The following ST6GALNAC3 variants were observed in gnomAD, a reference collection of about 807,000 sequenced individuals.
The protein encoded by ST6GALNAC3 is ST6 N-acetylgalactosaminide alpha-2,6-sialyltransferase 3.
ST6GALNAC3 carries 25 observed loss-of-function variants against 32.7 expected under a neutral mutation model. That is an observed-to-expected ratio of 0.76 (90% confidence interval 0.56 to 1.07). The LOEUF (loss-of-function observed/expected upper bound fraction) is 1.07, where lower values mean the gene tolerates loss of function less well. ST6GALNAC3 is among the 50% of genes least tolerant of loss of function. The probability of loss-of-function intolerance (pLI) is 0.00; values close to 1 mark genes in which losing one functional copy is unlikely to be tolerated. For missense variants in ST6GALNAC3, 355 were observed against 382.4 expected (o/e 0.93, Z 0.60); for synonymous variants, 129 against 133.1 (o/e 0.97, Z 0.21).
intron 1 of ST6GALNAC3, among the ~76,000 whole-genome samples, chr1:76,216,784 A>G (rs1488405047): frequency 1.3e-5 from 2 of 152,236 alleles, no homozygotes; most frequent in Middle Eastern, 3.2e-3. Flanking sequence ...AGTAAAGGTC[A>G]ATAATGCACA....
chr1:76,104,334 G>A (rs1647374111), intron 1 of ST6GALNAC3, among the ~76,000 whole-genome samples: 1 of 152,188 alleles, frequency 6.6e-6, no homozygotes, highest in South Asian at 2.1e-4. Context: ...GGAAGCATCT[G>A]ATTTTAGTTT....
intron 1 of ST6GALNAC3, among the ~76,000 whole-genome samples, chr1:76,202,268 ATGTG>A (rs58107501): frequency 0.013 from 1,888 of 145,402 alleles, 34 homozygotes; most frequent in African/African-American, 0.041. Flanking sequence ...GTGTGCATGC[ATGTG>A]TGTGTGTGTG....
chr1:76,536,526 C>A (rs944953087), intron 3 of ST6GALNAC3, among the ~76,000 whole-genome samples: 7 of 151,878 alleles, frequency 4.6e-5, no homozygotes, highest in Admixed American at 4.6e-4. Context: ...TGGAAACCTC[C>A]CCCATGATTC....
At chr1:76,213,484 A>G (rs1448139482) in intron 1 of ST6GALNAC3, among the ~76,000 whole-genome samples, 2 of 152,210 alleles carry the variant, frequency 1.3e-5, no homozygotes, top group African/African-American at 2.4e-5. Flanking sequence ...TAAAAGTTTC[A>G]TGATGGTGTA....
intron 1 of ST6GALNAC3, among the ~76,000 whole-genome samples, chr1:76,135,732 G>T (rs572816275): frequency 4.6e-5 from 7 of 152,318 alleles, no homozygotes; most frequent in African/African-American, 1.7e-4. Context: ...TCTCCTTTCA[G>T]GCAACTTCTT....
chr1:76,330,183 C>T (rs1254548203), intron 2 of ST6GALNAC3, among the ~76,000 whole-genome samples: 6 of 147,922 alleles, frequency 4.1e-5, no homozygotes, highest in African/African-American at 1.5e-4. Context: ...GACAGAGCCT[C>T]ACTCTGTCGC....
At chr1:76,470,600 C>A (rs1658957280) in intron 3 of ST6GALNAC3, among the ~76,000 whole-genome samples, 1 of 151,976 alleles carries the variant, frequency 6.6e-6, no homozygotes, top group Non-Finnish European at 1.5e-5. Flanking sequence ...TTGAAAAAAC[C>A]TTTTCAAACA....
chr1:76,318,012 AT>A (rs1170908269), intron 2 of ST6GALNAC3, among the ~76,000 whole-genome samples: 1 of 152,136 alleles, frequency 6.6e-6, no homozygotes, highest in Non-Finnish European at 1.5e-5. Flanking sequence ...AAGGCCCCAC[AT>A]ATAGTAAATT....
At chr1:76,382,317 TCAGA>T (rs1289969060) in intron 2 of ST6GALNAC3, among the ~76,000 whole-genome samples, 2 of 152,152 alleles carry the variant, frequency 1.3e-5, no homozygotes, top group Non-Finnish European at 2.9e-5. Flanking sequence ...ATTGGGATTA[TCAGA>T]CAGATTTCAA....
chr1:76,459,387 AC>A (rs1658115131), intron 3 of ST6GALNAC3, among the ~76,000 whole-genome samples: 1 of 152,070 alleles, frequency 6.6e-6, no homozygotes, highest in African/African-American at 2.4e-5. Context: ...ACACAGTGAA[AC>A]CCCATCTCTA....
intron 2 of ST6GALNAC3, among the ~76,000 whole-genome samples, chr1:76,316,255 C>G (rs974192107): frequency 6.6e-6 from 1 of 152,080 alleles, no homozygotes; most frequent in East Asian, 1.9e-4. Context: ...GATTTACATG[C>G]TGTATGCCCA....
chr1:76,260,216 T>C (rs1658148387), intron 1 of ST6GALNAC3, among the ~76,000 whole-genome samples: 1 of 152,088 alleles, frequency 6.6e-6, no homozygotes, highest in African/African-American at 2.4e-5. Context: ...ATGTGGCTGC[T>C]GAGTTAGAAA....
chr1:76,490,110 G>T (rs186635492), intron 3 of ST6GALNAC3, among the ~76,000 whole-genome samples: 1 of 152,100 alleles, frequency 6.6e-6, no homozygotes, highest in Non-Finnish European at 1.5e-5. Flanking sequence ...GGTCAGTTAG[G>T]CATCAGTCCT....
At position 76,630,364 on chromosome 1, in the gene ST6GALNAC3, T is replaced by C; in HGVS notation, c.*1558T>C. 2 of 984,922 alleles carry C rather than the reference T, an allele frequency of 2.0e-6. No homozygotes were observed. The highest frequency in any genetic ancestry group is 9.4e-5 in the South Asian group (2 of 21,268). 61.0% of individuals were successfully genotyped at this position (984,922 alleles called of 1,614,324 possible). A position where few individuals can be genotyped will look rare whatever the true frequency, so the allele number is the denominator to read the frequency against. ...TGGTTCTATTTAGGTGGGGAAAAAATGAAAAAGCAGGGACAACAGGAGGAA... is the reference window on the plus strand; with the variant it reads ...TGGTTCTATTTAGGTGGGGAAAAAACGAAAAAGCAGGGACAACAGGAGGAA... On this transcript the variant is annotated 3_prime_UTR_variant, in exon 5 of 5. Transcript: ENST00000328299.
intron 3 of ST6GALNAC3, among the ~76,000 whole-genome samples, chr1:76,424,708 G>A (rs1571188635): frequency 6.6e-6 from 1 of 151,964 alleles, no homozygotes; most frequent in South Asian, 2.1e-4. Flanking sequence ...AGATGGACTT[G>A]TGTATGTAGG....
chr1:76,091,691 ATTGTGTTACAG>A (rs1368201160), intron 1 of ST6GALNAC3, among the ~76,000 whole-genome samples: 1 of 152,214 alleles, frequency 6.6e-6, no homozygotes, highest in Non-Finnish European at 1.5e-5. Flanking sequence ...GATACTTACC[ATTGTGTTACAG>A]TTATTATACC....
chr1:76,485,912 T>C (rs1339347570), intron 3 of ST6GALNAC3, among the ~76,000 whole-genome samples: 1 of 152,240 alleles, frequency 6.6e-6, no homozygotes, highest in Non-Finnish European at 1.5e-5. Context: ...CCAGAGATTC[T>C]GGTATGTTGT....
At chr1:76,487,038 A>G (rs2101677769) in intron 3 of ST6GALNAC3, among the ~76,000 whole-genome samples, 1 of 152,282 alleles carries the variant, frequency 6.6e-6, no homozygotes, top group South Asian at 2.1e-4. Flanking sequence ...CTCTTTAAGA[A>G]TGTTGAATAT....
intron 2 of ST6GALNAC3, among the ~76,000 whole-genome samples, chr1:76,322,751 C>A (rs1384826160): frequency 6.6e-6 from 1 of 151,880 alleles, no homozygotes; most frequent in African/African-American, 2.4e-5. Context: ...CCACTGCCCC[C>A]CACCCCCCCA....
Sources: gnomAD v4.1 joint callset for allele counts (sites outside exome capture counted in the v4.1 genomes callset) on GRCh38, gnomAD v4.1.1 for gene constraint, MANE v1.5 for transcripts, NCBI Gene and HGNC (gene_info 2026-07-23, HGNC 2026-07-21) for gene names.